PDE4B: variants seen among roughly 807,000 people sequenced by gnomAD.
The protein encoded by PDE4B is phosphodiesterase 4B.
A neutral mutation model predicts 82.2 loss-of-function variants in PDE4B; 20 were observed. The ratio of observed to expected loss-of-function variants is 0.24; its 90% CI spans 0.17 to 0.35. PDE4B has a LOEUF of 0.35. Among genes scored for constraint, PDE4B ranks in the 10% least tolerant of loss-of-function variants. PDE4B has a pLI of 1.00. For synonymous variants in PDE4B, 320 were observed against 318.9 expected (o/e 1.00, Z -0.04); for missense variants, 655 against 907.2 (o/e 0.72, Z 3.57).
intron 3 of PDE4B, among the ~76,000 whole-genome samples, chr1:66,185,556 C>A (rs1034107671): frequency 1.3e-5 from 2 of 151,906 alleles, no homozygotes; most frequent in African/African-American, 4.8e-5. Context: ...GATGGTATCT[C>A]ATTGTGGTTT....
chr1:66,314,935 ATG>A (rs1658925770), intron 7 of PDE4B, among the ~76,000 whole-genome samples: 2 of 152,188 alleles, frequency 1.3e-5, no homozygotes, highest in African/African-American at 4.8e-5. Flanking sequence ...ACTGCAGTCC[ATG>A]GTTTGCCCTT....
At chr1:65,998,504 G>A (rs1651679607) in intron 3 of PDE4B, among the ~76,000 whole-genome samples, 1 of 151,980 alleles carries the variant, frequency 6.6e-6, no homozygotes. Flanking sequence ...GTAGAGAATG[G>A]ATTAGAGGAC....
chr1:66,108,500 T>C (rs1229782390), intron 3 of PDE4B, among the ~76,000 whole-genome samples: 1 of 151,778 alleles, frequency 6.6e-6, no homozygotes, highest in African/African-American at 2.4e-5. Flanking sequence ...ATCAACAGAG[T>C]GAAGAGACAA....
At chr1:66,236,555 A>T (rs1652471453) in intron 3 of PDE4B, among the ~76,000 whole-genome samples, 1 of 152,248 alleles carries the variant, frequency 6.6e-6, no homozygotes, top group African/African-American at 2.4e-5. Context: ...AATTCCTTCA[A>T]CTTTCATATG....
rs995751541 is a variant in PDE4B, at chr1:66,114,443, A to G, written c.282-133017A>G. Among the ~76,000 whole-genome samples, 8 of 152,298 alleles carry G rather than the reference A, an allele frequency of 5.3e-5. 1 individual carries two copies. The South Asian group carries it at 1.0e-3, about 20-fold the overall frequency. ...AATAATAAAATAAATTTTCAAATAA[A>G]AGTCAAATCCAAGAAAAGGCAGAAA... is the stretch of plus-strand genomic sequence containing the variant. On this transcript the variant is annotated intron_variant, in intron 3 of 16. Transcript: ENST00000341517.
intron 3 of PDE4B, among the ~76,000 whole-genome samples, chr1:66,205,331 C>A (rs1459368829): frequency 6.6e-6 from 1 of 152,172 alleles, no homozygotes; most frequent in Non-Finnish European, 1.5e-5. Flanking sequence ...ATAAATCTCC[C>A]TTTTAAACTT....
At chr1:65,825,730 CT>C (rs913664717) in intron 1 of PDE4B, among the ~76,000 whole-genome samples, 55 of 151,960 alleles carry the variant, frequency 3.6e-4, no homozygotes, top group African/African-American at 1.3e-3. Flanking sequence ...ATCTATCTAT[CT>C]ATCTATCTAT....
chr1:65,929,192 C>T (rs1647690427), intron 3 of PDE4B, among the ~76,000 whole-genome samples: 1 of 152,148 alleles, frequency 6.6e-6, no homozygotes, highest in Non-Finnish European at 1.5e-5. Flanking sequence ...CCTTGCCTGG[C>T]AACCACCTCA....
intron 3 of PDE4B, among the ~76,000 whole-genome samples, chr1:66,202,650 T>C (rs1289354926): frequency 6.6e-6 from 1 of 152,138 alleles, no homozygotes; most frequent in African/African-American, 2.4e-5. Context: ...GTCTGTTTTA[T>C]CAGAGACTAG....
At chr1:66,061,886 C>A (rs1655600558) in intron 3 of PDE4B, among the ~76,000 whole-genome samples, 1 of 151,958 alleles carries the variant, frequency 6.6e-6, no homozygotes, top group African/African-American at 2.4e-5. Flanking sequence ...AACAAACCTG[C>A]ACATTCTGCA....
At chr1:65,807,029 G>A (rs772186089) in intron 1 of PDE4B, among the ~76,000 whole-genome samples, 3 of 152,134 alleles carry the variant, frequency 2.0e-5, no homozygotes, top group Non-Finnish European at 2.9e-5. Flanking sequence ...TTAATTGCAA[G>A]GTAAAGAGAA....
At chr1:66,266,862 G>C (rs1655085718) in intron 7 of PDE4B, 2 of 326,768 alleles carry the variant, frequency 6.1e-6, no homozygotes, top group African/African-American at 2.2e-5. Flanking sequence ...CAGTAGATTT[G>C]AGAAAAACCA....
At chr1:66,148,326 G>C (rs968198667) in intron 3 of PDE4B, among the ~76,000 whole-genome samples, 2 of 151,838 alleles carry the variant, frequency 1.3e-5, no homozygotes, top group African/African-American at 2.4e-5. Flanking sequence ...AGGAACATAA[G>C]AATTTGCACT....
At chr1:66,128,642 T>C (rs113547078) in intron 3 of PDE4B, among the ~76,000 whole-genome samples, 90 of 152,342 alleles carry the variant, frequency 5.9e-4, no homozygotes, top group Non-Finnish European at 1.2e-3. Flanking sequence ...AGTCTGGCTT[T>C]GCATATCTAT....
chr1:65,994,945 A>G (rs1651451627), intron 3 of PDE4B, among the ~76,000 whole-genome samples: 1 of 152,104 alleles, frequency 6.6e-6, no homozygotes, highest in Admixed American at 6.6e-5. Flanking sequence ...ATGATTAAAG[A>G]GCTAGTTTTA....
chr1:65,921,030 G>A (rs1425721837), intron 3 of PDE4B, among the ~76,000 whole-genome samples: 2 of 143,202 alleles, frequency 1.4e-5, no homozygotes, highest in East Asian at 2.0e-4. Context: ...GTGCAGTGGC[G>A]GGATCTCGGC....
intron 4 of PDE4B, among the ~76,000 whole-genome samples, chr1:66,249,008 A>C (rs1042655838): frequency 5.3e-5 from 8 of 152,168 alleles, no homozygotes; most frequent in Non-Finnish European, 5.9e-5. Context: ...GCTAAGCCTG[A>C]CCATATTAAA....
chr1:66,022,435 C>A (rs1174675055), intron 3 of PDE4B, among the ~76,000 whole-genome samples: 6 of 152,154 alleles, frequency 3.9e-5, no homozygotes, highest in Non-Finnish European at 5.9e-5. Flanking sequence ...ATGATATTGG[C>A]TGTGGGTTTG....
At chr1:66,020,435 G>C (rs1653031498) in intron 3 of PDE4B, among the ~76,000 whole-genome samples, 1 of 152,030 alleles carries the variant, frequency 6.6e-6, no homozygotes, top group South Asian at 2.1e-4. Context: ...ATTTATATTA[G>C]GTATATCTCC....
Sources: gnomAD v4.1 joint callset for allele counts (sites outside exome capture counted in the v4.1 genomes callset) on GRCh38, gnomAD v4.1.1 for gene constraint, MANE v1.5 for transcripts, NCBI Gene and HGNC (gene_info 2026-07-23, HGNC 2026-07-21) for gene names.